CC2D2A: variants seen among roughly 807,000 people sequenced by gnomAD.
The protein encoded by CC2D2A is coiled-coil and C2 domain-containing protein 2A.
Under a neutral mutation model 212.9 loss-of-function variants are expected in CC2D2A, and 155 were observed. The ratio of observed to expected loss-of-function variants is 0.73; its 90% CI spans 0.64 to 0.83. The LOEUF (loss-of-function observed/expected upper bound fraction) is 0.83, where lower values mean the gene tolerates loss of function less well. Ranked by LOEUF, CC2D2A falls within the 40% of genes least tolerant of loss-of-function variation. The probability of loss-of-function intolerance (pLI) is 0.00; values close to 1 mark genes in which losing one functional copy is unlikely to be tolerated. For synonymous variants in CC2D2A, 667 were observed against 686.5 expected (o/e 0.97, Z 0.44); for missense variants, 1,856 against 1,956.2 (o/e 0.95, Z 0.97).
Position 15,601,500 on chromosome 4 carries a change from A to C in CC2D2A, c.*75A>C. On this transcript the variant is annotated 3_prime_UTR_variant, in exon 37 of 37. Coordinates refer to ENST00000424120, the MANE Select transcript of CC2D2A (RefSeq NM_001378615.1). ...GAGAAAATTTTAAATTATATGCATC[A>C]CATCAGAAGAACATATTATTGGCAA... The C allele has an allele frequency of 2.4e-6, 2 of 846,730 alleles. No individual in the cohort carries two copies. Among genetic ancestry groups the C allele is most frequent in the Non-Finnish European group, 3.5e-6 (2 of 575,826 alleles). 52.5% of individuals were successfully genotyped at this position (846,730 alleles called of 1,614,324 possible).
intron 30 of CC2D2A, among the ~76,000 whole-genome samples, chr4:15,584,718 CAGAAT>C (rs747453525): frequency 4.3e-4 from 66 of 152,166 alleles, no homozygotes; most frequent in African/African-American, 1.5e-3. Flanking sequence ...ACAACCTACA[CAGAAT>C]AGGAGATAGT....
chr4:15,599,748 G>A, intron 36 of CC2D2A, 42 bp downstream of exon 36: 1 of 1,449,572 alleles, frequency 6.9e-7, no homozygotes, highest in Non-Finnish European at 9.3e-7. Flanking sequence ...GGATTTCCTT[G>A]TTTCAAATTG....
intron 11 of CC2D2A, among the ~76,000 whole-genome samples, chr4:15,522,948 T>C (rs1717295436): frequency 6.6e-6 from 1 of 151,280 alleles, no homozygotes; most frequent in Non-Finnish European, 1.5e-5. Flanking sequence ...GTGAAACCCG[T>C]CTCTACTAAA....
In CC2D2A at chr4:15,556,157, A is replaced by G. The variant is rs188004489; in HGVS notation, c.2625+947A>G. On this transcript the variant is annotated intron_variant, in intron 20 of 36. Coordinates refer to ENST00000424120, the MANE Select transcript of CC2D2A (RefSeq NM_001378615.1). ...TTTATTTTTCTTGGTATCGAATACA[A>G]TTGGTTTTATTGGCAACTTCATTAT... Among the ~76,000 whole-genome samples, 543 of 152,380 alleles carry G rather than the reference A, an allele frequency of 3.6e-3. 2 individuals carry two copies. Among genetic ancestry groups the G allele is most frequent in the Non-Finnish European group, 6.1e-3 (416 of 68,038 alleles).
chr4:15,563,313 T>C (rs1464101164), intron 23 of CC2D2A, 42 bp from the exon 24 acceptor site: 1 of 1,535,004 alleles, frequency 6.5e-7, no homozygotes, highest in Non-Finnish European at 8.8e-7. Flanking sequence ...TTTGCAGACC[T>C]TTCTTTTTCT....
intron 11 of CC2D2A, among the ~76,000 whole-genome samples, chr4:15,526,994 T>C (rs1220103897): frequency 3.3e-5 from 5 of 152,178 alleles, no homozygotes; most frequent in Admixed American, 6.5e-5. Flanking sequence ...TGCTGCTATC[T>C]ACAAAATGAA....
chr4:15,565,400 T>TG (rs900081532), intron 24 of CC2D2A, among the ~76,000 whole-genome samples: 1 of 22,496 alleles, frequency 4.4e-5, no homozygotes, highest in Non-Finnish European at 1.5e-4. Flanking sequence ...CCACATACGG[T>TG]TTTTTTTTTT....
At chr4:15,586,107 A>G in intron 30 of CC2D2A, 50 bp from the exon 31 acceptor site, 22 of 1,286,900 alleles carry the variant, frequency 1.7e-5, no homozygotes, top group Non-Finnish European at 2.4e-5. Context: ...GGGATGCAGC[A>G]TTCTGTTTTA....
At chr4:15,487,204 C>T (rs1715046516) in intron 4 of CC2D2A, among the ~76,000 whole-genome samples, 2 of 151,998 alleles carry the variant, frequency 1.3e-5, no homozygotes, top group Non-Finnish European at 2.9e-5. Flanking sequence ...TGTTGATTTT[C>T]TCTCTAAATG....
intron 4 of CC2D2A, among the ~76,000 whole-genome samples, chr4:15,484,431 A>G (rs1018886909): frequency 1.3e-5 from 2 of 152,188 alleles, no homozygotes; most frequent in African/African-American, 4.8e-5. Context: ...GTTCAAGCCC[A>G]GGACTGATAT....
chr4:15,491,165 T>G (rs1380558140), intron 4 of CC2D2A, among the ~76,000 whole-genome samples: 2 of 152,312 alleles, frequency 1.3e-5, no homozygotes, highest in African/African-American at 4.8e-5. Context: ...TTTAAGAAAC[T>G]GCCGATATAC....
At chr4:15,541,042 C>A (rs571078553) in intron 17 of CC2D2A, 28 bp downstream of exon 17, 6 of 1,500,482 alleles carry the variant, frequency 4.0e-6, no homozygotes, top group Non-Finnish European at 5.4e-6. Context: ...AGTTACTGGC[C>A]GGGCACTGTG....
intron 4 of CC2D2A, among the ~76,000 whole-genome samples, chr4:15,484,096 TAA>T (rs1714861233): frequency 6.6e-6 from 1 of 152,022 alleles, no homozygotes; most frequent in Non-Finnish European, 1.5e-5. Flanking sequence ...ACAAATGAAG[TAA>T]ACTAGATAAA....
At chr4:15,476,065 A>G in intron 2 of CC2D2A, 94 bp downstream of exon 2, 1 of 1,011,682 alleles carries the variant, frequency 9.9e-7, no homozygotes, top group South Asian at 1.5e-5. Context: ...GCCAACCAGC[A>G]TCTATTGCAC....
intron 2 of CC2D2A, among the ~76,000 whole-genome samples, 153 bp downstream of exon 2, chr4:15,476,124 G>A (rs1714196726): frequency 6.6e-6 from 1 of 152,188 alleles, no homozygotes; most frequent in Non-Finnish European, 1.5e-5. Flanking sequence ...GAGTCTAATT[G>A]TACAAAGAAC....
At chr4:15,578,170 A>G (rs886679218) in intron 29 of CC2D2A, among the ~76,000 whole-genome samples, 1 of 152,208 alleles carries the variant, frequency 6.6e-6, no homozygotes, top group Non-Finnish European at 1.5e-5. Flanking sequence ...TTTATTAGGT[A>G]GCTACTGTCT....
intron 35 of CC2D2A, among the ~76,000 whole-genome samples, chr4:15,598,653 T>C (rs999846066): frequency 3.9e-5 from 6 of 152,154 alleles, no homozygotes; most frequent in Admixed American, 3.9e-4. Context: ...ACAGTTTCAA[T>C]GATGTTGGTA....
chr4:15,549,354 C>T (rs756042676), intron 17 of CC2D2A, among the ~76,000 whole-genome samples: 1 of 152,154 alleles, frequency 6.6e-6, no homozygotes, highest in African/African-American at 2.4e-5. Context: ...TAGAATAGCT[C>T]ACAGCAAAAT....
At chr4:15,474,639 A>G (rs201014556) in intron 1 of CC2D2A, among the ~76,000 whole-genome samples, 1 of 152,194 alleles carries the variant, frequency 6.6e-6, no homozygotes, top group East Asian at 1.9e-4. Flanking sequence ...GGGGATAGAC[A>G]CCCAATTTTC....
Sources: allele counts gnomAD v4.1 joint callset (sites outside exome capture counted in the v4.1 genomes callset), GRCh38; gene constraint gnomAD v4.1.1; transcripts MANE v1.5; gene names NCBI Gene and HGNC (gene_info 2026-07-23, HGNC 2026-07-21).